Variants in ZCCHC17 observed in about 807,000 individuals in gnomAD.
ZCCHC17 encodes zinc finger CCHC domain-containing protein 17.
Under a neutral mutation model 30.6 loss-of-function variants are expected in ZCCHC17, and 18 were observed. That is an observed-to-expected ratio of 0.59 (90% confidence interval 0.41 to 0.87). ZCCHC17 has a LOEUF of 0.87. ZCCHC17 is among the 40% of genes least tolerant of loss of function. ZCCHC17 has a pLI of 0.00. For synonymous variants in ZCCHC17, 88 were observed against 92.4 expected, an observed-to-expected ratio of 0.95 and a Z score of 0.27; for missense variants, 263 against 284.2, an observed-to-expected ratio of 0.93 and a Z score of 0.54.
intron 6 of ZCCHC17, 80 bp from the exon 7 acceptor site, chr1:31,348,749 A>C (rs557667600): frequency 1.3e-6 from 2 of 1,553,164 alleles, no homozygotes; most frequent in East Asian, 2.2e-5. Flanking sequence ...AGCCCATTTC[A>C]GGAGACTTGG....
chr1:31,364,190 G>C lies in ZCCHC17; in HGVS notation c.723G>C (p.Glu241Asp). Residue 241 changes from glutamate (E) to aspartate (D), a missense_variant, in exon 8 of 8, where the codon GAG (glutamate) becomes GAC (aspartate). Glu to Asp is a conservative substitution (Grantham distance 45). Transcript: ENST00000344147. ...KKKKHKKKHK[E>D] Reference sequence around the variant, plus strand: ...AGAAGCACAAGAAGAAGCACAAGGAGTGAGAGTATAAAGAGTGTAGGGGGT... The same window carrying C: ...AGAAGCACAAGAAGAAGCACAAGGACTGAGAGTATAAAGAGTGTAGGGGGT... 6.2e-7 allele frequency: 1 copy of C among 1,612,974 alleles called. No homozygotes were observed. Among genetic ancestry groups the C allele is most frequent in the Non-Finnish European group, 8.5e-7 (1 of 1,179,720 alleles).
chr1:31,361,058 C>T (rs16834403), intron 7 of ZCCHC17, among the ~76,000 whole-genome samples: 1 of 152,086 alleles, frequency 6.6e-6, no homozygotes, highest in Non-Finnish European at 1.5e-5. Context: ...GGGCAGAACC[C>T]AGTGAGGCTC....
chr1:31,341,156 G>A (rs1362409412), intron 5 of ZCCHC17, among the ~76,000 whole-genome samples: 1 of 152,140 alleles, frequency 6.6e-6, no homozygotes, highest in Non-Finnish European at 1.5e-5. Flanking sequence ...TCTTGCATGT[G>A]ACTTACAGAA....
intron 7 of ZCCHC17, among the ~76,000 whole-genome samples, chr1:31,361,626 G>A (rs540495890): frequency 6.6e-6 from 1 of 152,232 alleles, no homozygotes; most frequent in East Asian, 1.9e-4. Flanking sequence ...GGGGCCATGT[G>A]CTACATAGGA....
At chr1:31,335,518 A>G (rs1326951392) in intron 3 of ZCCHC17, among the ~76,000 whole-genome samples, 2 of 151,952 alleles carry the variant, frequency 1.3e-5, no homozygotes, top group Admixed American at 1.3e-4. Flanking sequence ...TAGGACTACA[A>G]GCATGCACCA....
intron 2 of ZCCHC17, among the ~76,000 whole-genome samples, 190 bp from the exon 3 acceptor site, chr1:31,318,919 C>G (rs965336915): frequency 7.9e-5 from 12 of 152,078 alleles, no homozygotes; most frequent in Admixed American, 2.6e-4. Flanking sequence ...TTAATGTGTA[C>G]ACACATACCT....
At chr1:31,318,680 A>G (rs1191468714) in intron 2 of ZCCHC17, among the ~76,000 whole-genome samples, 2 of 152,152 alleles carry the variant, frequency 1.3e-5, no homozygotes, top group African/African-American at 4.8e-5. Flanking sequence ...TCCCAAATTT[A>G]TTAAAGTTCT....
chr1:31,336,177 G>T (rs1473416682), intron 3 of ZCCHC17, among the ~76,000 whole-genome samples: 4 of 151,736 alleles, frequency 2.6e-5, no homozygotes, highest in African/African-American at 9.7e-5. Context: ...GGCTCAAGCA[G>T]TGCTCCCACC....
At chr1:31,318,393 G>A (rs969238864) in intron 2 of ZCCHC17, among the ~76,000 whole-genome samples, 2 of 152,150 alleles carry the variant, frequency 1.3e-5, no homozygotes, top group African/African-American at 4.8e-5. Context: ...TCTGGCAAGG[G>A]TTCTGGGCCT....
chr1:31,324,342 A>G (rs1455311095), intron 3 of ZCCHC17, among the ~76,000 whole-genome samples: 1 of 152,132 alleles, frequency 6.6e-6, no homozygotes, highest in Non-Finnish European at 1.5e-5. Flanking sequence ...GCTGCTGCAA[A>G]GATGCCAGCC....
At chr1:31,301,834 C>T (rs1026564680) in intron 1 of ZCCHC17, among the ~76,000 whole-genome samples, 3 of 152,146 alleles carry the variant, frequency 2.0e-5, no homozygotes, top group Non-Finnish European at 4.4e-5. Context: ...ATTTTCTCAA[C>T]AGGTCCACGA....
At chr1:31,339,113 A>G in intron 5 of ZCCHC17, 65 bp downstream of exon 5, 3 of 1,192,248 alleles carry the variant, frequency 2.5e-6, no homozygotes, top group Non-Finnish European at 3.6e-6. Flanking sequence ...GGTTTAGTAA[A>G]TCAGACTGAA....
At chr1:31,351,369 C>G (rs1569912144) in intron 7 of ZCCHC17, among the ~76,000 whole-genome samples, 1 of 152,226 alleles carries the variant, frequency 6.6e-6, no homozygotes, top group South Asian at 2.1e-4. Context: ...ACGCTGTGGC[C>G]TAGGGAGTTT....
chr1:31,321,707 T>C (rs1264535078), intron 3 of ZCCHC17, among the ~76,000 whole-genome samples: 1 of 152,190 alleles, frequency 6.6e-6, no homozygotes, highest in Non-Finnish European at 1.5e-5. Flanking sequence ...CCTCCAGTAA[T>C]CTGCCCTCCT....
chr1:31,324,578 G>A (rs956680593), intron 3 of ZCCHC17, among the ~76,000 whole-genome samples: 1 of 152,226 alleles, frequency 6.6e-6, no homozygotes, highest in African/African-American at 2.4e-5. Flanking sequence ...CCAAGCTCCC[G>A]GCTCCTGCTC....
rs754908675 is a variant in ZCCHC17, at chr1:31,364,032, GAGA to G, written c.573_575del (p.Lys194del). On this transcript the variant is annotated inframe_deletion and splice_region_variant, in exon 8 of 8. Coordinates refer to ENST00000344147, the MANE Select transcript of ZCCHC17 (RefSeq NM_016505.4). ...TTGATTTTTAAAATTTTCTTTTCAG[GAGA>G]AGAAGAAAAAGAAACATAGAGATAG... 13 of 1,606,252 alleles carry G rather than the reference GAGA, an allele frequency of 8.1e-6. No individual in the cohort carries two copies. Among genetic ancestry groups the G allele is most frequent in the Non-Finnish European group, 1.1e-5 (13 of 1,178,030 alleles).
intron 6 of ZCCHC17, 58 bp from the exon 7 acceptor site, chr1:31,348,771 C>G: frequency 6.2e-7 from 1 of 1,603,040 alleles, no homozygotes; most frequent in East Asian, 2.2e-5. Context: ...GAAAGATTCA[C>G]TTGCTGAGAA....
chr1:31,343,846 ATTTTTTTTTTT>A (rs71569979), intron 5 of ZCCHC17, among the ~76,000 whole-genome samples: 1 of 80,774 alleles, frequency 1.2e-5, no homozygotes, highest in Non-Finnish European at 2.2e-5. Flanking sequence ...TGCCCCACTA[ATTTTTTTTTTT>A]TTTTTTTTTT....
chr1:31,337,668 T>A (rs1638873982), intron 4 of ZCCHC17, among the ~76,000 whole-genome samples: 1 of 152,008 alleles, frequency 6.6e-6, no homozygotes, highest in African/African-American at 2.4e-5. Context: ...AGAACACAGA[T>A]AGTTTACAGT....
Sources: gnomAD v4.1 joint callset for allele counts (sites outside exome capture counted in the v4.1 genomes callset) on GRCh38, gnomAD v4.1.1 for gene constraint, MANE v1.5 for transcripts, NCBI Gene and HGNC (gene_info 2026-07-23, HGNC 2026-07-21) for gene names.